MTMR8: variants seen among roughly 807,000 people sequenced by gnomAD.
MTMR8 encodes the protein phosphatidylinositol-3,5-bisphosphate 3-phosphatase MTMR8.
In MTMR8, 65 loss-of-function variants were observed where a neutral mutation model predicts 39.3. The ratio of observed to expected loss-of-function variants is 1.65; its 90% CI spans 1.35 to 2.03. The LOEUF is 2.03. MTMR8 is among the 30% of genes most tolerant of loss of function. MTMR8 has a pLI of 0.00. For missense variants in MTMR8, 777 were observed against 538.9 expected (o/e 1.44, Z -4.37); for synonymous variants, 245 against 185.2 (o/e 1.32, Z -2.62).
chrX:64,310,500 T>C (rs1437765848), intron 12 of MTMR8, among the ~76,000 whole-genome samples: 1 of 111,731 alleles, frequency 9.0e-6, no homozygotes, highest in Non-Finnish European at 1.9e-5. Context: ...ATGAATATTC[T>C]TTTTTTTAGA....
chrX:64,320,259 C>A (rs748348755), intron 12 of MTMR8, among the ~76,000 whole-genome samples: 3 of 110,860 alleles, frequency 2.7e-5, no homozygotes, highest in East Asian at 5.7e-4. Flanking sequence ...GATTTTGTAT[C>A]CTGAGACTTA....
chrX:64,275,697 G>GA (rs1271390033), intron 12 of MTMR8, among the ~76,000 whole-genome samples: 8 of 106,592 alleles, frequency 7.5e-5, no homozygotes, highest in South Asian at 4.1e-4. Flanking sequence ...TTATTTTTTG[G>GA]AAAAAAATAT....
chrX:64,268,844 C>T lies in MTMR8; in HGVS notation c.1808G>A (p.Ser603Asn). The change falls in exon 14 of 14, where the codon AGC (serine) becomes AAC (asparagine). Residue 603 changes from serine (S) to asparagine (N), a missense_variant. Coordinates refer to ENST00000374852, the MANE Select transcript of MTMR8 (RefSeq NM_017677.4). ...GLRAQMDQVK[S>N]QGADLHHNCC... ...GTTATGGTGGAGGTCTGCACCCTGG[C>T]TTTTTACTTGATCCATCTGAGCTCG... is the stretch of plus-strand genomic sequence containing the variant. 1 of 1,211,821 alleles carries T rather than the reference C, an allele frequency of 8.3e-7. No homozygotes were observed. The highest frequency in any genetic ancestry group is 3.0e-5 in the East Asian group (1 of 33,832).
intron 12 of MTMR8, among the ~76,000 whole-genome samples, chrX:64,313,347 G>T (rs990393666): frequency 8.9e-6 from 1 of 112,536 alleles, no homozygotes; most frequent in African/African-American, 3.2e-5. Flanking sequence ...TAAAACTCAT[G>T]AACCAAGCTC....
intron 1 of MTMR8, among the ~76,000 whole-genome samples, chrX:64,374,106 G>T (rs938362888): frequency 9.0e-6 from 1 of 111,573 alleles, no homozygotes; most frequent in Non-Finnish European, 1.9e-5. Context: ...GAATGTATGA[G>T]ACATTATAAA....
chrX:64,293,029 C>A (rs1333052853), intron 12 of MTMR8, among the ~76,000 whole-genome samples: 9 of 110,890 alleles, frequency 8.1e-5, no homozygotes, highest in South Asian at 3.9e-4. Context: ...AAAATGTTAA[C>A]CAAGGTCAAA....
At chrX:64,317,856 C>T (rs901482438) in intron 12 of MTMR8, among the ~76,000 whole-genome samples, 8 of 112,427 alleles carry the variant, frequency 7.1e-5, no homozygotes, top group African/African-American at 2.6e-4. Context: ...CAAGGTTCTC[C>T]ATTTAGTTTC....
chrX:64,296,560 G>T (rs1392420016), intron 12 of MTMR8, among the ~76,000 whole-genome samples: 1 of 104,371 alleles, frequency 9.6e-6, no homozygotes, highest in Non-Finnish European at 1.9e-5. Flanking sequence ...CTCTGTATAT[G>T]GACCCTATGC....
intron 10 of MTMR8, among the ~76,000 whole-genome samples, chrX:64,335,537 G>A (rs989041937): frequency 8.9e-6 from 1 of 112,185 alleles, no homozygotes; most frequent in African/African-American, 3.2e-5. Flanking sequence ...TGATAACACA[G>A]GTAAAGCCTT....
At chrX:64,280,950 T>C (rs749244907) in intron 12 of MTMR8, among the ~76,000 whole-genome samples, 1 of 111,004 alleles carries the variant, frequency 9.0e-6, no homozygotes, top group African/African-American at 3.3e-5. Context: ...CATTCACAAT[T>C]GCTACAAAGA....
intron 12 of MTMR8, among the ~76,000 whole-genome samples, chrX:64,303,382 A>T (rs1431629879): frequency 8.9e-6 from 1 of 112,433 alleles, no homozygotes; most frequent in African/African-American, 3.2e-5. Context: ...ATTTCTGATG[A>T]CAAGACACAC....
intron 6 of MTMR8, among the ~76,000 whole-genome samples, chrX:64,346,062 T>C (rs752019545): frequency 8.9e-6 from 1 of 111,995 alleles, no homozygotes; most frequent in African/African-American, 3.2e-5. Context: ...AATCTCTAGG[T>C]CATATGAAGA....
chrX:64,316,848 C>T (rs1262409918), intron 12 of MTMR8, among the ~76,000 whole-genome samples: 2 of 110,267 alleles, frequency 1.8e-5, no homozygotes, highest in Admixed American at 9.7e-5. Flanking sequence ...CAGTGGCTCA[C>T]GGCTGTAATC....
At chrX:64,343,742 A>G in intron 7 of MTMR8, 22 bp from the exon 8 acceptor site, 12 of 1,062,006 alleles carry the variant, frequency 1.1e-5, no homozygotes, top group Non-Finnish European at 1.6e-5. Context: ...AAGGAAGCAG[A>G]GATTGAAATT....
chrX:64,298,165 C>T (rs1164518517), intron 12 of MTMR8, among the ~76,000 whole-genome samples: 1 of 96,408 alleles, frequency 1.0e-5, no homozygotes, highest in Admixed American at 1.2e-4. Context: ...CTGTAAATTA[C>T]CTTGGGCAGT....
At chrX:64,361,163 T>C (rs1923769159) in intron 1 of MTMR8, among the ~76,000 whole-genome samples, 1 of 111,837 alleles carries the variant, frequency 8.9e-6, no homozygotes, top group African/African-American at 3.2e-5. Flanking sequence ...AGAACTGTTT[T>C]TAAATATCAA....
chrX:64,370,873 C>T (rs1924113252), intron 1 of MTMR8, among the ~76,000 whole-genome samples: 1 of 111,927 alleles, frequency 8.9e-6, no homozygotes, highest in Non-Finnish European at 1.9e-5. Context: ...CCAAGACAGA[C>T]CAGGTATGGT....
At chrX:64,361,432 C>CA (rs1222466460) in intron 1 of MTMR8, among the ~76,000 whole-genome samples, 4 of 110,373 alleles carry the variant, frequency 3.6e-5, no homozygotes, top group Non-Finnish European at 5.7e-5. Context: ...AATGTAGACA[C>CA]AAAAAATGCT....
chrX:64,388,024 G>A (rs1924606784), intron 1 of MTMR8, among the ~76,000 whole-genome samples: 1 of 111,158 alleles, frequency 9.0e-6, no homozygotes, highest in African/African-American at 3.3e-5. Flanking sequence ...TCTTGGAGAA[G>A]CTGTGAACCA....
Sources: allele counts gnomAD v4.1 joint callset (sites outside exome capture counted in the v4.1 genomes callset), GRCh38; gene constraint gnomAD v4.1.1; transcripts MANE v1.5; gene names NCBI Gene and HGNC (gene_info 2026-07-23, HGNC 2026-07-21).